TRIM3: variants seen among roughly 807,000 people sequenced by gnomAD.
The protein encoded by TRIM3 is tripartite motif-containing protein 3.
A neutral mutation model predicts 66.6 loss-of-function variants in TRIM3; 13 were observed. The ratio of observed to expected loss-of-function variants is 0.20; its 90% CI spans 0.13 to 0.31. TRIM3 has a LOEUF of 0.31. TRIM3 is among the 10% of genes least tolerant of loss of function. The probability of loss-of-function intolerance (pLI) is 1.00; values close to 1 mark genes in which losing one functional copy is unlikely to be tolerated. For synonymous variants in TRIM3, 406 were observed against 411.7 expected (o/e 0.99, Z 0.17); for missense variants, 711 against 1,020.4 (o/e 0.70, Z 4.13).
At chr11:6,454,300 A>T (rs1209454110) in intron 7 of TRIM3, among the ~76,000 whole-genome samples, 1 of 151,264 alleles carries the variant, frequency 6.6e-6, no homozygotes, top group African/African-American at 2.4e-5. Context: ...CTGAAGTAGG[A>T]GGATTGCTTG....
At position 6,450,374 on chromosome 11, in the gene TRIM3, G is replaced by C. The variant is rs1444323446; in HGVS notation, c.1941+177C>G. On this transcript the variant is annotated intron_variant, in intron 10 of 11. Transcript: ENST00000345851. This position sits in a 1 kb window ranked among gnomAD's most constrained non-coding sequence, Gnocchi z 4.8. Reference sequence around the variant, plus strand: ...GAATACATTTGCTTTGTGCATCACTGTATCTCCAGCTTCTAGCATACTGCC... The same window carrying C: ...GAATACATTTGCTTTGTGCATCACTCTATCTCCAGCTTCTAGCATACTGCC... The C allele has an allele frequency of 4.8e-6, 3 of 620,428 alleles. No individual in the cohort carries two copies. The highest frequency in any genetic ancestry group is 8.6e-6 in the Non-Finnish European group (3 of 347,862). The allele number at this position is 620,428 out of a possible 1,614,324, so 38.4% of individuals were successfully genotyped here. A position where few individuals can be genotyped will look rare whatever the true frequency, so the allele number is the denominator to read the frequency against.
In TRIM3 at chr11:6,449,258, G is replaced by A; in HGVS notation, c.2082+48C>T. The A allele has an allele frequency of 6.2e-7, 1 of 1,610,170 alleles. No homozygotes were observed. The highest frequency in any genetic ancestry group is 8.5e-7 in the Non-Finnish European group (1 of 1,176,750). On this transcript the variant is annotated intron_variant, in intron 11 of 11. Coordinates refer to ENST00000345851, the MANE Select transcript of TRIM3 (RefSeq NM_033278.4). This position sits in a 1 kb window ranked among gnomAD's most constrained non-coding sequence, Gnocchi z 5.3. ...CTGTTTTGGGGGAACGGGCATATGGGACACACCAGGAAACCGCCCCCTCAT... is the reference window on the plus strand; with the variant it reads ...CTGTTTTGGGGGAACGGGCATATGGAACACACCAGGAAACCGCCCCCTCAT...
At chr11:6,451,535 C>A in intron 7 of TRIM3, 97 bp from the exon 8 acceptor site, 2 of 1,341,310 alleles carry the variant, frequency 1.5e-6, no homozygotes, top group African/African-American at 1.5e-5. Flanking sequence ...GACCCCCCCA[C>A]CACCATTTAT....
chr11:6,468,758 G>C (rs1850567674), intron 1 of TRIM3, among the ~76,000 whole-genome samples: 1 of 152,224 alleles, frequency 6.6e-6, no homozygotes, highest in Non-Finnish European at 1.5e-5. Flanking sequence ...AAGGGTGGCA[G>C]AACAACAGCT....
rs758301500 is a variant in TRIM3, at chr11:6,456,423, C to G, written c.1303G>C (p.Val435Leu). The change falls in exon 6 of 12, where the codon GTC (valine) becomes CTC (leucine). Residue 435 changes from valine (V) to leucine (L), a missense_variant. Physicochemically the swap from Val to Leu is conservative, Grantham distance 32. Around this residue, in one of 3 missense-constraint regions of TRIM3, gnomAD observed 399 missense variants for 458.1 expected, o/e 0.87. Coordinates refer to ENST00000345851, the MANE Select transcript of TRIM3 (RefSeq NM_033278.4). The surrounding 1 kb of genome is among the most constrained non-coding windows in gnomAD (Gnocchi z 6.4). Reference sequence around the variant, plus strand: ...CTGCCGGGGCCGCCAGGGGACTTGACACGGCGCTTCACATCGTCCGGGGAA... The same window carrying G: ...CTGCCGGGGCCGCCAGGGGACTTGAGACGGCGCTTCACATCGTCCGGGGAA... ...PPSPDDVKRRVKSPGGPGSHV... is the reference protein window; with the variant it reads ...PPSPDDVKRRLKSPGGPGSHV... 6.5e-7 allele frequency: 1 copy of G among 1,533,466 alleles called. No individual in the cohort carries two copies. The highest frequency in any genetic ancestry group is 2.0e-5 in the Admixed American group (1 of 49,786). The allele number at this position is 1,533,466 out of a possible 1,614,324, so 95.0% of individuals were successfully genotyped here. A position where few individuals can be genotyped will look rare whatever the true frequency, so the allele number is the denominator to read the frequency against.
Position 6,457,350 on chromosome 11 carries a change from C to T in TRIM3, c.642G>A (p.Gln214=). 6.2e-7 allele frequency: 1 copy of T among 1,614,186 alleles called. No homozygotes were observed. The highest frequency in any genetic ancestry group is 8.5e-7 in the Non-Finnish European group (1 of 1,180,046). Reference sequence around the variant, plus strand: ...GGTCGCTGACCAGAGCCTGCTTGCGCTGCTGCAGTGCTTGCTCCAGGTCCT... The same window carrying T: ...GGTCGCTGACCAGAGCCTGCTTGCGTTGCTGCAGTGCTTGCTCCAGGTCCT... ...AFEDLEQALQ[Q]RKQALVSDLE... Residue 214 remains glutamine, a synonymous_variant, in exon 5 of 12, where the codon CAG becomes CAA. Coordinates refer to ENST00000345851, the MANE Select transcript of TRIM3 (RefSeq NM_033278.4). This position sits in a 1 kb window ranked among gnomAD's most constrained non-coding sequence, Gnocchi z 4.5.
chr11:6,456,136 T>A lies in TRIM3; in HGVS notation c.1469A>T (p.Gln490Leu), dbSNP rs1256215024. 1 of 1,614,086 alleles carries A rather than the reference T, an allele frequency of 6.2e-7. No homozygotes were observed. Among genetic ancestry groups the A allele is most frequent in the Non-Finnish European group, 8.5e-7 (1 of 1,180,048 alleles). The change falls in exon 7 of 12, where the codon CAA (glutamine) becomes CTA (leucine). Residue 490 changes from glutamine (Q) to leucine (L), a missense_variant. Physicochemically the swap from Gln to Leu is moderately radical, Grantham distance 113 (BLOSUM62 -2). Transcript: ENST00000345851. This position sits in a 1 kb window ranked among gnomAD's most constrained non-coding sequence, Gnocchi z 6.4. ...GCCGCTGCTGGCTGCGGACACACCT[T>A]GTAAATTGGTGAATTCACCTTTCTC... ...GREKGEFTNL[Q>L]GVSAASSGRI...
At position 6,457,758 on chromosome 11, in the gene TRIM3, C is replaced by G; in HGVS notation, c.453G>C (p.Leu151=). The change falls in exon 4 of 12, where the codon CTG becomes CTC. Residue 151 remains leucine, a synonymous_variant. Coordinates refer to ENST00000345851, the MANE Select transcript of TRIM3 (RefSeq NM_033278.4). This position sits in a 1 kb window ranked among gnomAD's most constrained non-coding sequence, Gnocchi z 4.5. ...CCTTGTGCTGCTCCACCACATCCCT[C>G]AGCAGCACTGTGCCATGCTCACGAT... The part of the protein sequence containing the change: ...GEHREHGTVL[L]RDVVEQHKAA... 1 of 1,614,188 alleles carries G rather than the reference C, an allele frequency of 6.2e-7. No homozygotes were observed. Among genetic ancestry groups the G allele is most frequent in the Non-Finnish European group, 8.5e-7 (1 of 1,180,024 alleles).
intron 1 of TRIM3, among the ~76,000 whole-genome samples, chr11:6,466,946 TTA>T (rs1850497256): frequency 6.6e-6 from 1 of 152,212 alleles, no homozygotes; most frequent in Non-Finnish European, 1.5e-5. Flanking sequence ...ATATTTTATT[TTA>T]TGTTTTCATT....
chr11:6,467,468 T>C (rs912315617), intron 1 of TRIM3, among the ~76,000 whole-genome samples: 1 of 152,148 alleles, frequency 6.6e-6, no homozygotes, highest in African/African-American at 2.4e-5. Context: ...ATAACCGCCA[T>C]TAAGAATGTG....
At chr11:6,468,854 G>GTGAA (rs111290321) in intron 1 of TRIM3, among the ~76,000 whole-genome samples, 42,974 of 150,876 alleles carry the variant, frequency 0.28, 6,776 homozygotes, top group Non-Finnish European at 0.36. Flanking sequence ...TCTAAAGACT[G>GTGAA]TGAATGAATG....
intron 7 of TRIM3, among the ~76,000 whole-genome samples, chr11:6,454,390 A>G (rs1428869403): frequency 5.3e-5 from 8 of 150,924 alleles, no homozygotes; most frequent in African/African-American, 1.9e-4. Context: ...CTGTCTCAAA[A>G]AAAAAAAAAA....
chr11:6,449,349 T>C lies in TRIM3; in HGVS notation c.2039A>G (p.Asn680Ser), dbSNP rs191422512. Residue 680 changes from asparagine (N) to serine (S), a missense_variant, in exon 11 of 12, where the codon AAT becomes AGT. By Grantham distance (46) the Asn-to-Ser change is conservative (BLOSUM62 1). Coordinates refer to ENST00000345851, the MANE Select transcript of TRIM3 (RefSeq NM_033278.4). This position sits in a 1 kb window ranked among gnomAD's most constrained non-coding sequence, Gnocchi z 5.3. ...CCAGTCAGCCACAATGATGTTTCCATTGGAGTCCACAGCTACTCCTGTGGG... is the reference window on the plus strand; with the variant it reads ...CCAGTCAGCCACAATGATGTTTCCACTGGAGTCCACAGCTACTCCTGTGGG... ...NAPTGVAVDS[N>S]GNIIVADWGN... 99 of 1,614,126 alleles carry C rather than the reference T, an allele frequency of 6.1e-5. No homozygotes were observed. The highest frequency in any genetic ancestry group is 8.8e-5 in the South Asian group (8 of 91,088).
chr11:6,463,835 G>A (rs191002116), intron 2 of TRIM3, among the ~76,000 whole-genome samples: 34 of 152,336 alleles, frequency 2.2e-4, no homozygotes, highest in Non-Finnish European at 4.1e-4. Context: ...ACAGGCACAA[G>A]AGGGTGGTTG....
chr11:6,472,556 G>A (rs1196309180), intron 1 of TRIM3, among the ~76,000 whole-genome samples: 1 of 152,082 alleles, frequency 6.6e-6, no homozygotes, highest in East Asian at 1.9e-4. Flanking sequence ...CTATCCCAAC[G>A]ATGGACTCTT....
rs1285440482 is a variant in TRIM3 at position 6,457,754 on chromosome 11, C to A, written c.457G>T (p.Asp153Tyr). Residue 153 changes from aspartate (D) to tyrosine (Y), a missense_variant, in exon 4 of 12, where the codon GAT becomes TAT. Asp to Tyr is a radical substitution (Grantham distance 160). Transcript: ENST00000345851. This position sits in a 1 kb window ranked among gnomAD's most constrained non-coding sequence, Gnocchi z 4.5. ...HREHGTVLLR[D>Y]VVEQHKAALQ... ...GCCGCCTTGTGCTGCTCCACCACAT[C>A]CCTCAGCAGCACTGTGCCATGCTCA... is the stretch of plus-strand genomic sequence containing the variant. 1.2e-6 allele frequency: 2 copies of A among 1,614,166 alleles called. No individual in the cohort carries two copies. The highest frequency in any genetic ancestry group is 1.7e-6 in the Non-Finnish European group (2 of 1,180,024).
intron 1 of TRIM3, among the ~76,000 whole-genome samples, chr11:6,470,846 T>C (rs74053401): frequency 0.017 from 2,607 of 152,258 alleles, 68 homozygotes; most frequent in African/African-American, 0.059. Flanking sequence ...GCAAAGAAGA[T>C]TGAGAAGGCA....
At chr11:6,472,838 G>A (rs1159389817) in intron 1 of TRIM3, among the ~76,000 whole-genome samples, 2 of 152,194 alleles carry the variant, frequency 1.3e-5, no homozygotes, top group Non-Finnish European at 2.9e-5. Context: ...AGCCCAAGGA[G>A]GCAGGGCTAC....
intron 1 of TRIM3, among the ~76,000 whole-genome samples, chr11:6,471,567 C>T (rs1387443120): frequency 2.0e-5 from 3 of 152,208 alleles, no homozygotes; most frequent in African/African-American, 7.2e-5. Context: ...TGGGCCAGGT[C>T]CTTCAGCTGT....
Sources: allele counts gnomAD v4.1 joint callset (sites outside exome capture counted in the v4.1 genomes callset), GRCh38; gene constraint gnomAD v4.1.1; regional missense constraint gnomAD v4.1.1; non-coding constraint Gnocchi (gnomAD v3.1); transcripts MANE v1.5; gene names NCBI Gene and HGNC (gene_info 2026-07-23, HGNC 2026-07-21).